Variants in SMYD3 observed in about 807,000 individuals in gnomAD.
The protein encoded by SMYD3 is histone-lysine N-methyltransferase SMYD3.
SMYD3 carries 36 observed loss-of-function variants against 57.7 expected under a neutral mutation model. The ratio of observed to expected loss-of-function variants is 0.62; its 90% confidence interval spans 0.48 to 0.82. SMYD3 has a LOEUF of 0.82. SMYD3 is among the 40% of genes least tolerant of loss of function. The pLI is 0.00. For missense variants in SMYD3, 515 were observed against 538.8 expected (o/e 0.96, Z 0.44); for synonymous variants, 211 against 195.0 (o/e 1.08, Z -0.68).
At chr1:245,936,763 C>T (rs1371877074) in intron 5 of SMYD3, among the ~76,000 whole-genome samples, 1 of 1,316 alleles carries the variant, frequency 7.6e-4, no homozygotes, top group Non-Finnish European at 6.6e-3. Context: ...GGCATGATGC[C>T]ATGCACCTAC....
At chr1:246,295,061 T>G (rs1170374777) in intron 5 of SMYD3, among the ~76,000 whole-genome samples, 1 of 152,144 alleles carries the variant, frequency 6.6e-6, no homozygotes, top group Admixed American at 6.5e-5. Flanking sequence ...ATAATAAATA[T>G]TTTATGTACT....
intron 11 of SMYD3, among the ~76,000 whole-genome samples, chr1:245,760,503 G>T (rs923680699): frequency 6.6e-6 from 1 of 152,124 alleles, no homozygotes; most frequent in African/African-American, 2.4e-5. Flanking sequence ...GCTAGCAAAT[G>T]CTCAGCAAAG....
chr1:246,166,048 A>C (rs1252456406), intron 5 of SMYD3, among the ~76,000 whole-genome samples: 2 of 152,098 alleles, frequency 1.3e-5, no homozygotes, highest in South Asian at 2.1e-4. Context: ...CCCATTACCT[A>C]CACCAGACAA....
intron 5 of SMYD3, among the ~76,000 whole-genome samples, chr1:246,185,062 G>C (rs1365302945): frequency 2.6e-5 from 4 of 152,116 alleles, no homozygotes; most frequent in African/African-American, 9.7e-5. Flanking sequence ...CTTAATAATG[G>C]TTTTAAAAAG....
In SMYD3 at chr1:246,409,118, C is replaced by T. The variant is rs1215957944; in HGVS notation, c.165-54024G>A. 3.3e-5 allele frequency among the ~76,000 whole-genome samples: 5 copies of T among 152,116 alleles called. No homozygotes were observed. In the East Asian group the frequency reaches 7.7e-4, roughly 23 times the overall value. On this transcript the variant is annotated intron_variant, in intron 1 of 11. Transcript: ENST00000490107. ...TAGGTTGCAAAAATTTTCTCCCATTCTGTAGGTTGCCTGTTCATTCTGATG... is the reference window on the plus strand; with the variant it reads ...TAGGTTGCAAAAATTTTCTCCCATTTTGTAGGTTGCCTGTTCATTCTGATG...
intron 5 of SMYD3, among the ~76,000 whole-genome samples, chr1:245,935,967 C>A (rs538126224): frequency 3.8e-4 from 58 of 152,182 alleles, no homozygotes; most frequent in African/African-American, 1.3e-3. Flanking sequence ...ATCACCACAG[C>A]ATGATGACTA....
At chr1:246,023,109 G>A (rs1572903345) in intron 5 of SMYD3, among the ~76,000 whole-genome samples, 1 of 152,156 alleles carries the variant, frequency 6.6e-6, no homozygotes, top group Non-Finnish European at 1.5e-5. Flanking sequence ...GCAGGTTTTT[G>A]TTCCAACTCA....
chr1:245,915,433 G>T (rs753518898), intron 8 of SMYD3, 97 bp downstream of exon 8: 58 of 716,492 alleles, frequency 8.1e-5, no homozygotes, highest in Non-Finnish European at 1.3e-4. Flanking sequence ...TGTACTGAGG[G>T]TCATTACTTT....
At chr1:245,836,769 A>G (rs1352135485) in intron 10 of SMYD3, among the ~76,000 whole-genome samples, 1 of 152,150 alleles carries the variant, frequency 6.6e-6, no homozygotes, top group Non-Finnish European at 1.5e-5. Flanking sequence ...TGATGGCTTC[A>G]ATGTCTCATT....
intron 5 of SMYD3, among the ~76,000 whole-genome samples, chr1:246,206,392 G>A (rs1315920369): frequency 6.6e-6 from 1 of 151,936 alleles, no homozygotes; most frequent in Non-Finnish European, 1.5e-5. Flanking sequence ...GGAATCCCAT[G>A]GGTAAAGAAA....
At position 246,202,584 on chromosome 1, in the gene SMYD3, C is replaced by T. The variant is rs762532809; in HGVS notation, c.531+124617G>A. 1.3e-5 allele frequency among the ~76,000 whole-genome samples: 2 copies of T among 152,154 alleles called. No individual in the cohort carries two copies. The highest frequency in any genetic ancestry group is 1.3e-4 in the Admixed American group (2 of 15,270). On this transcript the variant is annotated intron_variant, in intron 5 of 11. Transcript: ENST00000490107. The surrounding 1 kb of genome is among the most constrained non-coding windows in gnomAD (Gnocchi z 4.1). ...CCCATCACCATCTCCCTCAAATCAT[C>T]GAAATGTGACGTATTAAATCCACGC...
chr1:246,394,090 T>C (rs953268293), intron 1 of SMYD3, among the ~76,000 whole-genome samples: 7 of 152,194 alleles, frequency 4.6e-5, no homozygotes, highest in African/African-American at 1.4e-4. Context: ...TAAATAACTG[T>C]TATCCTTATG....
At chr1:245,756,754 T>C (rs935497425) in intron 11 of SMYD3, among the ~76,000 whole-genome samples, 9 of 151,990 alleles carry the variant, frequency 5.9e-5, no homozygotes, top group Admixed American at 5.9e-4. Flanking sequence ...CAAATTGTTT[T>C]TCCTGTACAG....
At chr1:246,444,353 T>G (rs980249792) in intron 1 of SMYD3, among the ~76,000 whole-genome samples, 1 of 152,116 alleles carries the variant, frequency 6.6e-6, no homozygotes. Flanking sequence ...CTCAAACTCC[T>G]GACCTTGTGA....
chr1:246,063,599 C>A, intron 5 of SMYD3, among the ~76,000 whole-genome samples: 1 of 148,888 alleles, frequency 6.7e-6, no homozygotes, highest in Non-Finnish European at 1.5e-5. Flanking sequence ...CTCCCCTCCC[C>A]TCCTCTCCCC....
intron 8 of SMYD3, among the ~76,000 whole-genome samples, chr1:245,904,206 G>A (rs1036543270): frequency 3.9e-5 from 6 of 152,084 alleles, no homozygotes; most frequent in Admixed American, 6.5e-5. Flanking sequence ...TGAGACGGGG[G>A]TGAGTTCTCA....
chr1:245,851,035 T>C (rs910164482), intron 10 of SMYD3, among the ~76,000 whole-genome samples: 8 of 152,242 alleles, frequency 5.3e-5, no homozygotes, highest in African/African-American at 1.9e-4. Flanking sequence ...TTTAAAATAG[T>C]AGAATGATGA....
chr1:246,031,987 C>T (rs573599579), intron 5 of SMYD3, among the ~76,000 whole-genome samples: 79 of 152,108 alleles, frequency 5.2e-4, no homozygotes, highest in Non-Finnish European at 9.7e-4. Context: ...TCTAAAGTTA[C>T]GTTGAAACGA....
At chr1:246,223,592 G>A (rs2063287188) in intron 5 of SMYD3, among the ~76,000 whole-genome samples, 1 of 152,056 alleles carries the variant, frequency 6.6e-6, no homozygotes, top group Non-Finnish European at 1.5e-5. Flanking sequence ...TCACCAGAAA[G>A]GACACCTAAT....
Sources: gnomAD v4.1 joint callset for allele counts (sites outside exome capture counted in the v4.1 genomes callset) on GRCh38, gnomAD v4.1.1 for gene constraint, Gnocchi (gnomAD v3.1) non-coding constraint, MANE v1.5 for transcripts, NCBI Gene and HGNC (gene_info 2026-07-23, HGNC 2026-07-21) for gene names.